TMEM135: variants seen among roughly 807,000 people sequenced by gnomAD.
TMEM135 encodes the protein transmembrane protein 135.
TMEM135 carries 30 observed loss-of-function variants against 60.3 expected under a neutral mutation model. The observed-to-expected ratio is 0.50, with a 90% CI of 0.37 to 0.68. The LOEUF is 0.68. TMEM135 is among the 30% of genes least tolerant of loss of function. The pLI is 0.00. For missense variants in TMEM135, 468 were observed against 548.8 expected (o/e 0.85, Z 1.47); for synonymous variants, 190 against 186.7 (o/e 1.02, Z -0.14).
At chr11:87,104,150 G>A (rs901301165) in intron 4 of TMEM135, among the ~76,000 whole-genome samples, 5 of 152,188 alleles carry the variant, frequency 3.3e-5, no homozygotes, top group South Asian at 2.1e-4. Context: ...TTTGCAAGTA[G>A]ATATCCAGTT....
intron 3 of TMEM135, among the ~76,000 whole-genome samples, chr11:87,081,509 T>C (rs1856991809): frequency 6.6e-6 from 1 of 152,176 alleles, no homozygotes; most frequent in Non-Finnish European, 1.5e-5. Flanking sequence ...TTTTTCTCTT[T>C]CTTTGAACGC....
intron 2 of TMEM135, among the ~76,000 whole-genome samples, chr11:87,070,575 G>A (rs759331921): frequency 1.3e-4 from 20 of 152,176 alleles, no homozygotes; most frequent in Non-Finnish European, 2.6e-4. Flanking sequence ...GGCAGAGGTT[G>A]CAGTGAGCCG....
chr11:87,177,887 T>C (rs1939419205), intron 5 of TMEM135, among the ~76,000 whole-genome samples: 1 of 152,140 alleles, frequency 6.6e-6, no homozygotes, highest in Admixed American at 6.6e-5. Flanking sequence ...AGTAATTCTC[T>C]GGAATGACTC....
At chr11:87,169,472 C>G (rs1205426458) in intron 5 of TMEM135, among the ~76,000 whole-genome samples, 1 of 151,754 alleles carries the variant, frequency 6.6e-6, no homozygotes, top group East Asian at 1.9e-4. Context: ...GTGCTTCCTT[C>G]AGGAGCTCTT....
chr11:87,224,404 A>C (rs983225837), intron 5 of TMEM135, among the ~76,000 whole-genome samples: 1 of 152,326 alleles, frequency 6.6e-6, no homozygotes, highest in Middle Eastern at 3.4e-3. Context: ...CTTTTGTCAA[A>C]TGACAGAAAT....
intron 1 of TMEM135, among the ~76,000 whole-genome samples, chr11:87,044,958 T>C (rs1327743736): frequency 6.6e-6 from 1 of 151,596 alleles, no homozygotes; most frequent in African/African-American, 2.4e-5. Flanking sequence ...TCATGTGGTC[T>C]TTTTTAAATG....
At chr11:87,078,337 ATCTTT>A (rs1377284221) in intron 3 of TMEM135, among the ~76,000 whole-genome samples, 1 of 152,204 alleles carries the variant, frequency 6.6e-6, no homozygotes, top group Non-Finnish European at 1.5e-5. Context: ...GATATTGAGC[ATCTTT>A]TCATATAGTT....
At chr11:87,200,693 A>G (rs1324307295) in intron 5 of TMEM135, among the ~76,000 whole-genome samples, 2 of 152,228 alleles carry the variant, frequency 1.3e-5, no homozygotes, top group Admixed American at 6.5e-5. Flanking sequence ...CAACAAATGT[A>G]TAATGACATG....
At chr11:87,157,145 C>T (rs1938722320) in intron 4 of TMEM135, among the ~76,000 whole-genome samples, 196 bp from the exon 5 acceptor site, 1 of 150,718 alleles carries the variant, frequency 6.6e-6, no homozygotes, top group African/African-American at 2.4e-5. Context: ...TCACTGTAGC[C>T]TTGAACTCCT....
chr11:87,303,040 G>A (rs1040704991), intron 8 of TMEM135, among the ~76,000 whole-genome samples: 2 of 152,128 alleles, frequency 1.3e-5, no homozygotes, highest in Non-Finnish European at 2.9e-5. Context: ...TAGAGAGGGT[G>A]GAATGAGTAG....
chr11:87,245,048 GTA>G (rs1328752504), intron 6 of TMEM135, among the ~76,000 whole-genome samples: 9 of 142,098 alleles, frequency 6.3e-5, no homozygotes, highest in Non-Finnish European at 1.1e-4. Flanking sequence ...GTGGTATGTT[GTA>G]TCTTTGTTCT....
At chr11:87,274,221 C>G (rs769199090) in intron 6 of TMEM135, among the ~76,000 whole-genome samples, 8 of 152,050 alleles carry the variant, frequency 5.3e-5, no homozygotes, top group Admixed American at 2.0e-4. Flanking sequence ...AATGAAATAA[C>G]TAAATAACTC....
At chr11:87,171,251 C>G (rs1420569152) in intron 5 of TMEM135, among the ~76,000 whole-genome samples, 1 of 151,908 alleles carries the variant, frequency 6.6e-6, no homozygotes, top group Non-Finnish European at 1.5e-5. Context: ...TTATCCAGCT[C>G]ATTCATACAT....
intron 5 of TMEM135, among the ~76,000 whole-genome samples, chr11:87,191,987 CTTTTTTTT>C (rs200969171): frequency 1.3e-5 from 1 of 77,188 alleles, no homozygotes; most frequent in Admixed American, 1.7e-4. Flanking sequence ...CTTTTCTTTT[CTTTTTTTT>C]TTTTTTTTTT....
intron 5 of TMEM135, among the ~76,000 whole-genome samples, chr11:87,188,318 A>G (rs2135312678): frequency 6.6e-6 from 1 of 152,324 alleles, no homozygotes; most frequent in East Asian, 1.9e-4. Context: ...ATAAGAAGTT[A>G]TAGCCTAGCT....
chr11:87,071,452 A>C lies in TMEM135; in HGVS notation c.270-71A>C. ...TAAATAGAGTATGGATGGAGAAGGG[A>C]AACTTCTATTCATAATAACTGAAGT... On this transcript the variant is annotated intron_variant, in intron 2 of 14. Coordinates refer to ENST00000305494, the MANE Select transcript of TMEM135 (RefSeq NM_022918.4). 3 of 1,156,968 alleles carry C rather than the reference A, an allele frequency of 2.6e-6. No individual in the cohort carries two copies. The South Asian group carries it at 3.7e-5, about 14-fold the overall frequency. The allele number at this position is 1,156,968 out of a possible 1,614,324, so 71.7% of individuals were successfully genotyped here.
chr11:87,085,456 G>T (rs1343207291), intron 3 of TMEM135, among the ~76,000 whole-genome samples: 1 of 152,142 alleles, frequency 6.6e-6, no homozygotes, highest in East Asian at 1.9e-4. Context: ...GTGAATTACA[G>T]AACTTAAAGA....
rs545229459 is a variant in TMEM135 at position 87,047,527 on chromosome 11, C to A, written c.141+9341C>A. On this transcript the variant is annotated intron_variant, in intron 1 of 14. Transcript: ENST00000305494. ...GGGAAGCGCAAGGGGTCAGGGAGTT[C>A]CCTTTCCGAGTCAAAGAAAGGGGTG... Among the ~76,000 whole-genome samples the A allele has an allele frequency of 2.8e-3, 420 of 148,900 alleles. 2 individuals carry two copies. Among genetic ancestry groups the A allele is most frequent in the Middle Eastern group, 0.01 (3 of 290 alleles).
intron 4 of TMEM135, among the ~76,000 whole-genome samples, chr11:87,135,456 A>ATCTATTTTGCATATAG (rs1938063991): frequency 6.6e-6 from 1 of 151,510 alleles, no homozygotes; most frequent in African/African-American, 2.4e-5. Flanking sequence ...GCATATAGTT[A>ATCTATTTTGCATATAG]AACAAATGTT....
Sources: gnomAD v4.1 joint callset for allele counts (sites outside exome capture counted in the v4.1 genomes callset) on GRCh38, gnomAD v4.1.1 for gene constraint, MANE v1.5 for transcripts, NCBI Gene and HGNC (gene_info 2026-07-23, HGNC 2026-07-21) for gene names.